The following CIROZ variants were observed in gnomAD, a reference collection of about 807,000 sequenced individuals.
The protein encoded by CIROZ is ciliated left-right organizer protein containing ZP-N domains, also known as ciliated left-right organizer ZP-N domains-containing protein.
At chr1:10,978,475 G>A in the CIROZ span, among the ~76,000 whole-genome samples, 3 of 151,004 alleles carry the variant, frequency 2.0e-5, no homozygotes, top group Non-Finnish European at 2.9e-5. Flanking sequence ...TTGGGAGACT[G>A]AGGCAGGAGG....
the CIROZ span, among the ~76,000 whole-genome samples, chr1:10,953,775 T>C: frequency 6.6e-6 from 1 of 152,176 alleles, no homozygotes; most frequent in African/African-American, 2.4e-5. Context: ...CCGCCTCCCT[T>C]GTCCCCTCCC....
At chr1:10,977,134 G>A in the CIROZ span, among the ~76,000 whole-genome samples, 1 of 151,986 alleles carries the variant, frequency 6.6e-6, no homozygotes, top group African/African-American at 2.4e-5. Context: ...ACTCCAGCCT[G>A]GAGGACTACA....
chr1:10,948,454 G>A, the CIROZ span: 4 of 1,613,818 alleles, frequency 2.5e-6, no homozygotes, highest in Admixed American at 3.3e-5. Flanking sequence ...CTCAGCAGGA[G>A]GGGACTTCCT....
the CIROZ span, among the ~76,000 whole-genome samples, chr1:10,951,006 A>G: frequency 6.6e-6 from 1 of 151,784 alleles, no homozygotes; most frequent in African/African-American, 2.4e-5. Context: ...ACTCCCTGTC[A>G]CCTCCAACAC....
At chr1:10,969,684 G>A in the CIROZ span, among the ~76,000 whole-genome samples, 5 of 152,178 alleles carry the variant, frequency 3.3e-5, no homozygotes, top group Admixed American at 2.6e-4. Context: ...CACGTGGGCC[G>A]TGCCCTCACA....
chr1:10,950,545 A>G, the CIROZ span, among the ~76,000 whole-genome samples: 2 of 152,172 alleles, frequency 1.3e-5, no homozygotes, highest in African/African-American at 4.8e-5. Flanking sequence ...CAGCCCAGGC[A>G]GCGTAGGCAT....
the CIROZ span, among the ~76,000 whole-genome samples, chr1:10,981,840 A>G: frequency 6.6e-6 from 1 of 152,192 alleles, no homozygotes; most frequent in Non-Finnish European, 1.5e-5. Context: ...CACCTGAGAA[A>G]GTCAGCCCTT....
chr1:10,947,355 G>C, the CIROZ span, among the ~76,000 whole-genome samples: 1 of 152,176 alleles, frequency 6.6e-6, no homozygotes, highest in East Asian at 1.9e-4. Flanking sequence ...CTCTTCCCTC[G>C]GGGAGGTCCA....
chr1:10,951,246 C>A, the CIROZ span, among the ~76,000 whole-genome samples: 1 of 152,096 alleles, frequency 6.6e-6, no homozygotes. Context: ...ACAGCCTGGG[C>A]AACATGCATG....
the CIROZ span, chr1:10,955,014 C>T: frequency 1.0e-4 from 166 of 1,606,296 alleles, 1 homozygote; most frequent in South Asian, 3.5e-4. Context: ...CCCCGGCCGC[C>T]GGAATGCTGA....
At chr1:10,966,979 T>C in the CIROZ span, among the ~76,000 whole-genome samples, 1 of 151,526 alleles carries the variant, frequency 6.6e-6, no homozygotes, top group Non-Finnish European at 1.5e-5. Context: ...CAAAACCCCA[T>C]CTCTACTAAA....
the CIROZ span, among the ~76,000 whole-genome samples, chr1:10,961,358 A>T: frequency 1.4e-4 from 21 of 151,880 alleles, no homozygotes; most frequent in African/African-American, 5.1e-4. Flanking sequence ...GCCCTTAATA[A>T]AGGTAGGTGG....
At chr1:10,972,482 C>T in the CIROZ span, among the ~76,000 whole-genome samples, 1 of 148,888 alleles carries the variant, frequency 6.7e-6, no homozygotes, top group South Asian at 2.1e-4. Flanking sequence ...AATTATTCTA[C>T]AACTGAAGAA....
the CIROZ span, among the ~76,000 whole-genome samples, chr1:10,967,258 C>T: frequency 1.3e-5 from 2 of 151,822 alleles, no homozygotes; most frequent in Non-Finnish European, 2.9e-5. Context: ...ACTTCTCTTC[C>T]CCTCCCTCCC....
the CIROZ span, among the ~76,000 whole-genome samples, chr1:10,974,574 C>T: frequency 6.6e-5 from 10 of 152,146 alleles, no homozygotes; most frequent in South Asian, 4.2e-4. The surrounding 1 kb of genome is among the most constrained non-coding windows in gnomAD (Gnocchi z 4.4). Context: ...GCTGTTCTAA[C>T]GCTAAATAAA....
chr1:10,966,305 A>G, the CIROZ span: 3 of 1,474,474 alleles, frequency 2.0e-6, no homozygotes, highest in Non-Finnish European at 2.7e-6. Flanking sequence ...GCTCAGGCTT[A>G]GCTCCTTAAA....
At chr1:10,953,269 C>T in the CIROZ span, among the ~76,000 whole-genome samples, 7 of 152,134 alleles carry the variant, frequency 4.6e-5, no homozygotes, top group East Asian at 1.9e-4. Flanking sequence ...CGTCTGTCTT[C>T]GATTGAGGAC....
chr1:10,954,006 G>A, the CIROZ span: 6 of 1,606,826 alleles, frequency 3.7e-6, no homozygotes, highest in Admixed American at 1.7e-5. Context: ...CACCCTCATG[G>A]TGCCTCACTC....
At chr1:10,947,769 A>AGG in the CIROZ span, 2 of 1,597,794 alleles carry the variant, frequency 1.3e-6, no homozygotes, top group Non-Finnish European at 1.7e-6. Flanking sequence ...CTCCTGCTGG[A>AGG]GTGAGGCCCC....
Sources: gnomAD v4.1 joint callset for allele counts (sites outside exome capture counted in the v4.1 genomes callset) on GRCh38, gnomAD v4.1.1 for gene constraint, Gnocchi (gnomAD v3.1) non-coding constraint, MANE v1.5 for transcripts, NCBI Gene and HGNC (gene_info 2026-07-23, HGNC 2026-07-21) for gene names.